The following DEPDC5 variants were observed in gnomAD, a reference collection of about 807,000 sequenced individuals.
DEPDC5 encodes the protein GATOR1 complex protein DEPDC5.
In DEPDC5, 73 loss-of-function variants were observed where a neutral mutation model predicts 217.3. That is an observed-to-expected ratio of 0.34 (90% confidence interval 0.28 to 0.41). DEPDC5 has a LOEUF of 0.41. Ranked by LOEUF, DEPDC5 falls within the 10% of genes least tolerant of loss-of-function variation. The pLI is 1.00. For synonymous variants in DEPDC5, 733 were observed against 756.7 expected (o/e 0.97, Z 0.51); for missense variants, 1,675 against 2,070.1 (o/e 0.81, Z 3.70).
chr22:31,859,442 G>T (rs1322982231), intron 32 of DEPDC5, among the ~76,000 whole-genome samples: 2 of 146,090 alleles, frequency 1.4e-5, no homozygotes, highest in Non-Finnish European at 3.0e-5. Flanking sequence ...CTGAAGTGCA[G>T]TGGCACAGTC....
chr22:31,797,879 A>G (rs2086431455), intron 13 of DEPDC5, among the ~76,000 whole-genome samples, 176 bp downstream of exon 13: 1 of 150,654 alleles, frequency 6.6e-6, no homozygotes, highest in Non-Finnish European at 1.5e-5. Context: ...CGTAAGTTCA[A>G]CAGTGTCCCT....
intron 20 of DEPDC5, among the ~76,000 whole-genome samples, chr22:31,813,679 C>CTATATATA (rs58384211): frequency 1.3e-4 from 19 of 144,560 alleles, no homozygotes; most frequent in African/African-American, 4.3e-4. Flanking sequence ...TTTAATAAGG[C>CTATATATA]TATATATATA....
chr22:31,860,121 T>G (rs148494625), intron 32 of DEPDC5, among the ~76,000 whole-genome samples: 16 of 152,308 alleles, frequency 1.1e-4, no homozygotes, highest in African/African-American at 3.6e-4. Context: ...AAAATCCACA[T>G]GCATGACCCA....
chr22:31,892,010 A>T (rs1328602905), intron 38 of DEPDC5, among the ~76,000 whole-genome samples: 1 of 152,220 alleles, frequency 6.6e-6, no homozygotes, highest in Non-Finnish European at 1.5e-5. Flanking sequence ...CATGTCAATG[A>T]TAGGACAGGG....
chr22:31,792,064 T>C lies in DEPDC5; in HGVS notation c.656T>C (p.Val219Ala). The part of the protein sequence containing the change: ...EKNCSHEVTV[V>A]LFSRTFYDAK... Reference sequence around the variant, plus strand: ...AACTGTAGTCATGAAGTGACAGTGGTCCTGTTTTCTAGAACTTTCTATGAT... The same window carrying C: ...AACTGTAGTCATGAAGTGACAGTGGCCCTGTTTTCTAGAACTTTCTATGAT... The change falls in exon 11 of 43, where the codon GTC becomes GCC. Residue 219 changes from valine (V) to alanine (A), a missense_variant. Physicochemically the swap from Val to Ala is moderately conservative, Grantham distance 64. This residue lies in a region of DEPDC5 where 628 missense variants were observed against 762.1 expected (regional missense o/e 0.82). Coordinates refer to ENST00000651528, the MANE Select transcript of DEPDC5 (RefSeq NM_001242896.3). 1 of 1,612,242 alleles carries C rather than the reference T, an allele frequency of 6.2e-7. No individual in the cohort carries two copies. Among genetic ancestry groups the C allele is most frequent in the South Asian group, 1.1e-5 (1 of 91,042 alleles).
intron 20 of DEPDC5, among the ~76,000 whole-genome samples, chr22:31,812,742 CT>C (rs569013035): frequency 0.019 from 2,185 of 116,826 alleles, 67 homozygotes; most frequent in African/African-American, 0.059. Flanking sequence ...AGATTTCTTT[CT>C]TTTTTTTTTT....
chr22:31,784,022 G>A (rs753779082), intron 9 of DEPDC5, 37 bp downstream of exon 9: 117 of 1,558,664 alleles, frequency 7.5e-5, no homozygotes, highest in Non-Finnish European at 7.1e-5. Flanking sequence ...CTGCTAAGGG[G>A]AGAATTTTCT....
chr22:31,882,381 A>G (rs984606589), intron 38 of DEPDC5, among the ~76,000 whole-genome samples: 3 of 152,224 alleles, frequency 2.0e-5, no homozygotes, highest in African/African-American at 7.2e-5. Flanking sequence ...AAAAGACACA[A>G]TGCATTACAA....
At position 31,806,140 on chromosome 22, in the gene DEPDC5, C is replaced by T; in HGVS notation, c.1236C>T (p.Ser412=). Residue 412 remains serine (S), a synonymous_variant, in exon 18 of 43, where the codon AGC becomes AGT. Coordinates refer to ENST00000651528, the MANE Select transcript of DEPDC5 (RefSeq NM_001242896.3). ...TTTACAGTTTCTACACATCCAAAAG[C>T]CAGCTCTTTTGTAATAGTTTCACCC... ...WINHSFYTSK[S]QLFCNSFTPR... is the part of the protein sequence containing the mutation. 1 of 1,613,756 alleles carries T rather than the reference C, an allele frequency of 6.2e-7. No homozygotes were observed. The highest frequency in any genetic ancestry group is 8.5e-7 in the Non-Finnish European group (1 of 1,179,832).
intron 33 of DEPDC5, among the ~76,000 whole-genome samples, chr22:31,864,951 A>G (rs759551953): frequency 7.1e-5 from 10 of 141,474 alleles, no homozygotes; most frequent in Non-Finnish European, 1.5e-4. Context: ...TTGGCCTCCC[A>G]AAGTGCTGGG....
intron 7 of DEPDC5, among the ~76,000 whole-genome samples, chr22:31,771,780 C>CACAG (rs1187980574): frequency 9.8e-4 from 133 of 135,644 alleles, no homozygotes; most frequent in African/African-American, 3.5e-3. Flanking sequence ...CACACACACA[C>CACAG]AGTTAGGACT....
chr22:31,756,546 G>A (rs554599451), intron 2 of DEPDC5, among the ~76,000 whole-genome samples: 4 of 152,236 alleles, frequency 2.6e-5, no homozygotes, highest in South Asian at 2.1e-4. Flanking sequence ...TATATACAAC[G>A]TATACAAATA....
At chr22:31,846,583 A>G (rs1030037639) in intron 30 of DEPDC5, among the ~76,000 whole-genome samples, 1 of 152,174 alleles carries the variant, frequency 6.6e-6, no homozygotes, top group Non-Finnish European at 1.5e-5. Flanking sequence ...GGCTAACATT[A>G]TTTACATCAT....
chr22:31,894,118 AAGGGG>A (rs2093497900), intron 39 of DEPDC5: 1 of 158,822 alleles, frequency 6.3e-6, no homozygotes, highest in Admixed American at 6.5e-5. Context: ...TGTCCCCAGG[AAGGGG>A]GAGTATTGCT....
chr22:31,879,728 C>T lies in DEPDC5; in HGVS notation c.4009C>T (p.Arg1337Trp), dbSNP rs762603790. 3 of 1,613,914 alleles carry T rather than the reference C, an allele frequency of 1.9e-6. No individual in the cohort carries two copies. Among genetic ancestry groups the T allele is most frequent in the East Asian group, 2.2e-5 (1 of 44,864 alleles). The stretch of plus-strand genomic sequence containing the variant: ...CTCCTTTAGCCGAAGTTTTGGAGGA[C>T]GGAGCCAGGCGGCAGCACTTTTAGG... The part of the protein sequence containing the change: ...HSSFSRSFGG[R>W]SQAAALLAAT... The change falls in exon 38 of 43, where the codon CGG becomes TGG. Residue 1337 changes from arginine (R) to tryptophan (W), a missense_variant. Physicochemically the swap from Arg to Trp is moderately radical, Grantham distance 101 (BLOSUM62 -3). Transcript: ENST00000651528.
intron 33 of DEPDC5, among the ~76,000 whole-genome samples, chr22:31,863,297 G>A (rs752641917): frequency 2.0e-4 from 31 of 152,164 alleles, no homozygotes; most frequent in Non-Finnish European, 5.9e-5. Context: ...CTCCCCAGTA[G>A]CTAGGATTAC....
intron 8 of DEPDC5, among the ~76,000 whole-genome samples, chr22:31,779,422 T>C (rs988841497): frequency 6.6e-6 from 1 of 151,884 alleles, no homozygotes; most frequent in African/African-American, 2.4e-5. Context: ...GGGTGAAGAG[T>C]ATTCCAGGCA....
At chr22:31,790,499 G>A (rs1024184281) in intron 10 of DEPDC5, among the ~76,000 whole-genome samples, 1 of 152,116 alleles carries the variant, frequency 6.6e-6, no homozygotes, top group South Asian at 2.1e-4. Flanking sequence ...GGCTTATACC[G>A]CTGAGTCCAG....
chr22:31,904,466 G>A (rs1047628399), intron 41 of DEPDC5, among the ~76,000 whole-genome samples: 1 of 152,218 alleles, frequency 6.6e-6, no homozygotes, highest in Non-Finnish European at 1.5e-5. Context: ...AAGCAGGCTG[G>A]GTGTGGTGGC....
Sources: allele counts gnomAD v4.1 joint callset (sites outside exome capture counted in the v4.1 genomes callset), GRCh38; gene constraint gnomAD v4.1.1; regional missense constraint gnomAD v4.1.1; transcripts MANE v1.5; gene names NCBI Gene and HGNC (gene_info 2026-07-23, HGNC 2026-07-21).